The following HAUS3 variants were observed in gnomAD, a reference collection of about 807,000 sequenced individuals.
HAUS3 encodes HAUS augmin-like complex subunit 3.
Under a neutral mutation model 55.2 loss-of-function variants are expected in HAUS3, and 36 were observed. The ratio of observed to expected loss-of-function variants is 0.65; its 90% CI spans 0.50 to 0.86. HAUS3 has a LOEUF of 0.86. HAUS3 is among the 40% of genes least tolerant of loss of function. The probability of loss-of-function intolerance (pLI) is 0.00; values close to 1 mark genes in which losing one functional copy is unlikely to be tolerated. For missense variants in HAUS3, 752 were observed against 671.5 expected, an observed-to-expected ratio of 1.12 and a Z score of -1.33; for synonymous variants, 234 against 238.6, an observed-to-expected ratio of 0.98 and a Z score of 0.18.
At chr4:2,233,678 GC>G (rs1391391578) in intron 5 of HAUS3, among the ~76,000 whole-genome samples, 5 of 152,066 alleles carry the variant, frequency 3.3e-5, no homozygotes, top group Non-Finnish European at 4.4e-5. Flanking sequence ...TTTAACATAT[GC>G]CCAAGAGTGG....
At chr4:2,233,429 T>C (rs1210262325) in intron 5 of HAUS3, among the ~76,000 whole-genome samples, 1 of 139,890 alleles carries the variant, frequency 7.1e-6, no homozygotes, top group Non-Finnish European at 1.5e-5. Context: ...TTAGTGATTC[T>C]TGGATGCATT....
chr4:2,238,676 A>G lies in HAUS3; in HGVS notation c.1277T>C (p.Leu426Ser). The change falls in exon 4 of 6, where the codon TTA becomes TCA. Residue 426 changes from leucine (L) to serine (S), a missense_variant. Transcript: ENST00000443786. ...CTGTTGAGAAACTGATGGATCTGTT[A>G]ACATTTCTAATTGCTTGTAGAGCAT... is the stretch of plus-strand genomic sequence containing the variant. The part of the protein sequence containing the change: ...NMMLYKQLEM[L>S]TDPSVSQQIN... 6.2e-7 allele frequency: 1 copy of G among 1,613,404 alleles called. No individual in the cohort carries two copies. Among genetic ancestry groups the G allele is most frequent in the Non-Finnish European group, 8.5e-7 (1 of 1,179,460 alleles).
Position 2,231,924 on chromosome 4 carries a change from T to C in HAUS3, c.*3A>G, listed in dbSNP as rs767894998. ...GTAATAAAGATTCAGTTTTCAGTAA[T>C]TTTCAATCTTCAAGACTAACAGCCT... On this transcript the variant is annotated 3_prime_UTR_variant, in exon 6 of 6. Transcript: ENST00000443786. 1 of 1,202,344 alleles carries C rather than the reference T, an allele frequency of 8.3e-7. No homozygotes were observed. Among genetic ancestry groups the C allele is most frequent in the African/African-American group, 1.6e-5 (1 of 64,428 alleles). 74.5% of individuals were successfully genotyped at this position (1,202,344 alleles called of 1,614,324 possible).
Position 2,240,041 on chromosome 4 carries a change from G to A in HAUS3, c.906C>T (p.Ser302=). 1.2e-6 allele frequency: 2 copies of A among 1,609,356 alleles called. No individual in the cohort carries two copies. The highest frequency in any genetic ancestry group is 1.7e-6 in the Non-Finnish European group (2 of 1,177,322). ...WAEESLHSLT[S]KAVDKENLDA... ...CAATCTCATTTCTTATGCTTACCTT[G>A]CTGGTTAGGCTGTGAAGACTCTCCT... The change falls in exon 3 of 6, where the codon AGC becomes AGT. Residue 302 remains serine, a synonymous_variant. Coordinates refer to ENST00000443786, the MANE Select transcript of HAUS3 (RefSeq NM_001303143.2).
chr4:2,235,739 G>C (rs1471349225), intron 5 of HAUS3, among the ~76,000 whole-genome samples: 1 of 151,944 alleles, frequency 6.6e-6, no homozygotes, highest in Non-Finnish European at 1.5e-5. Context: ...TAAATACACA[G>C]TCTAGGAATA....
Position 2,240,184 on chromosome 4 carries a change from G to A in HAUS3, c.763C>T (p.Leu255Phe). ...TPSICDNQEI[L>F]EERRLEMARL... ...GCCATCTCTAGTCGTCTCTCCTCAA[G>A]GATTTCTTGATTATCACAAATAGAT... The change falls in exon 3 of 6, where the codon CTT becomes TTT. Residue 255 changes from leucine to phenylalanine, a missense_variant. Leu to Phe is a conservative substitution (Grantham distance 22). Coordinates refer to ENST00000443786, the MANE Select transcript of HAUS3 (RefSeq NM_001303143.2). 1 of 1,613,986 alleles carries A rather than the reference G, an allele frequency of 6.2e-7. No individual in the cohort carries two copies. Among genetic ancestry groups the A allele is most frequent in the Non-Finnish European group, 8.5e-7 (1 of 1,179,964 alleles).
chr4:2,230,752 A>T lies in HAUS3; in HGVS notation c.*1175T>A, dbSNP rs138874621. ...TACGAACAGGTGAGGAATATTCTTA[A>T]AGGTATTCCTACAAAGCTCACATGG... On this transcript the variant is annotated 3_prime_UTR_variant, in exon 6 of 6. Transcript: ENST00000443786. The T allele has an allele frequency of 2.1e-3, 313 of 152,198 alleles. 1 individual carries two copies. Among genetic ancestry groups the T allele is most frequent in the African/African-American group, 7.2e-3 (298 of 41,520 alleles). The allele number at this position is 152,198 out of a possible 1,614,324, so 9.4% of individuals were successfully genotyped here. A position where few individuals can be genotyped will look rare whatever the true frequency, so the allele number is the denominator to read the frequency against.
At position 2,228,561 on chromosome 4, in the gene HAUS3, T is replaced by C; in HGVS notation, c.*3366A>G. On this transcript the variant is annotated 3_prime_UTR_variant, in exon 6 of 6. Transcript: ENST00000443786. ...ACCGTGTTAGCCAGGATGGTCTCGA[T>C]CTCCTGACCTCATGATCGCCGACCT... The C allele has an allele frequency of 5.8e-6, 1 of 170,984 alleles. No homozygotes were observed. Among genetic ancestry groups the C allele is most frequent in the Non-Finnish European group, 1.3e-5 (1 of 78,532 alleles). 10.6% of individuals were successfully genotyped at this position (170,984 alleles called of 1,614,324 possible). A position where few individuals can be genotyped will look rare whatever the true frequency, so the allele number is the denominator to read the frequency against.
intron 5 of HAUS3, among the ~76,000 whole-genome samples, chr4:2,233,615 A>T (rs1362829061): frequency 6.6e-6 from 1 of 152,206 alleles, no homozygotes; most frequent in East Asian, 1.9e-4. Context: ...TGAACATTGA[A>T]ATGTGATGCT....
intron 5 of HAUS3, among the ~76,000 whole-genome samples, chr4:2,233,680 C>T (rs1734659839): frequency 6.6e-6 from 1 of 151,914 alleles, no homozygotes; most frequent in Non-Finnish European, 1.5e-5. Flanking sequence ...TAACATATGC[C>T]CAAGAGTGGT....
chr4:2,236,551 G>A (rs1048005435), intron 4 of HAUS3, 95 bp from the exon 5 acceptor site: 1 of 806,598 alleles, frequency 1.2e-6, no homozygotes, highest in Non-Finnish European at 2.0e-6. Context: ...TGTGGGGATA[G>A]CTAAGTAACA....
Position 2,241,707 on chromosome 4 carries a change from G to T in HAUS3, c.-335C>A. On this transcript the variant is annotated 5_prime_UTR_variant, in exon 2 of 6. Coordinates refer to ENST00000443786, the MANE Select transcript of HAUS3 (RefSeq NM_001303143.2). ...AGGCAGCGGCAAGCCCCAGGGATCC[G>T]CGGCCCCAAGGCCGCGATACACCAG... 1 of 985,490 alleles carries T rather than the reference G, an allele frequency of 1.0e-6. No individual in the cohort carries two copies. The highest frequency in any genetic ancestry group is 1.2e-6 in the Non-Finnish European group (1 of 829,960). 61.0% of individuals were successfully genotyped at this position (985,490 alleles called of 1,614,324 possible). A position where few individuals can be genotyped will look rare whatever the true frequency, so the allele number is the denominator to read the frequency against.
At position 2,241,643 on chromosome 4, in the gene HAUS3, G is replaced by A. The variant is rs7671997; in HGVS notation, c.-271C>T. 1 of 985,436 alleles carries A rather than the reference G, an allele frequency of 1.0e-6. No individual in the cohort carries two copies. Among genetic ancestry groups the A allele is most frequent in the Non-Finnish European group, 1.2e-6 (1 of 829,936 alleles). The allele number at this position is 985,436 out of a possible 1,614,324, so 61.0% of individuals were successfully genotyped here. A position where few individuals can be genotyped will look rare whatever the true frequency, so the allele number is the denominator to read the frequency against. On this transcript the variant is annotated 5_prime_UTR_variant, in exon 2 of 6. Transcript: ENST00000443786. ...TGCTTCGGGCCGGCCTTCAGCCAGC[G>A]CTGAGGCAGCCCCGACGCCAGGGCC...
Position 2,240,405 on chromosome 4 carries a change from C to G in HAUS3, c.542G>C (p.Arg181Thr), listed in dbSNP as rs374772532. 1.1e-5 allele frequency: 17 copies of G among 1,612,672 alleles called. No individual in the cohort carries two copies. Among genetic ancestry groups the G allele is most frequent in the Non-Finnish European group, 1.4e-5 (17 of 1,179,278 alleles). ...TGTCCCTTGACCTAAATTAGAATGT[C>G]TGAAGAACATCATCAATTGTGTAAC... is the stretch of plus-strand genomic sequence containing the variant. ...DEVTQLMMFFRHSNLGQGTNP... is the reference protein window; with the variant it reads ...DEVTQLMMFFTHSNLGQGTNP... Residue 181 changes from arginine to threonine, a missense_variant, in exon 3 of 6, where the codon AGA (arginine) becomes ACA (threonine). Coordinates refer to ENST00000443786, the MANE Select transcript of HAUS3 (RefSeq NM_001303143.2).
intron 1 of HAUS3, 67 bp from the exon 2 acceptor site, chr4:2,241,857 C>CA: frequency 1.0e-6 from 1 of 985,562 alleles, no homozygotes; most frequent in Non-Finnish European, 1.2e-6. Flanking sequence ...ACGGGGGTGA[C>CA]AGGCCCCGCA....
In HAUS3 at chr4:2,236,452, A is replaced by G. The variant is rs1409341140; in HGVS notation, c.1354T>C (p.Tyr452His). The G allele has an allele frequency of 6.3e-7, 1 of 1,598,694 alleles. No individual in the cohort carries two copies. Residue 452 changes from tyrosine (Y) to histidine (H), a missense_variant, in exon 5 of 6, where the codon TAC becomes CAC. Physicochemically the swap from Tyr to His is moderately conservative, Grantham distance 83. Transcript: ENST00000443786. ...DTKDYSTHRL[Y>H]QVLEGENKKK... ...TTATTCTCTCCCTCCAAAACTTGGTAAAGCCTGAAATGTAAAAATTAAAAT... is the reference window on the plus strand; with the variant it reads ...TTATTCTCTCCCTCCAAAACTTGGTGAAGCCTGAAATGTAAAAATTAAAAT...
In HAUS3 at chr4:2,230,407, T is replaced by C. The variant is rs1734538686; in HGVS notation, c.*1520A>G. 6.6e-6 allele frequency: 1 copy of C among 152,070 alleles called. No homozygotes were observed. The highest frequency in any genetic ancestry group is 6.6e-5 in the Admixed American group (1 of 15,262). 9.4% of individuals were successfully genotyped at this position (152,070 alleles called of 1,614,324 possible). ...ACCAGGTGACATATTTTCCACATTT[T>C]TGGAGAAAATAAAAATTTTAAGTAA... On this transcript the variant is annotated 3_prime_UTR_variant, in exon 6 of 6. Transcript: ENST00000443786.
In HAUS3 at chr4:2,236,353, C is replaced by T. The variant is rs755949745; in HGVS notation, c.1453G>A (p.Val485Ile). ...GCAGATACTGCCAACTGATCTTGTA[C>T]TAAAGAAATATTCTGTTTCAATTTC... is the stretch of plus-strand genomic sequence containing the variant. The part of the protein sequence containing the change: ...AEKLKQNISL[V>I]QDQLAVSAQE... Residue 485 changes from valine (V) to isoleucine (I), a missense_variant, in exon 5 of 6, where the codon GTA becomes ATA. Transcript: ENST00000443786. 2.5e-6 allele frequency: 4 copies of T among 1,613,054 alleles called. No homozygotes were observed. The highest frequency in any genetic ancestry group is 8.5e-7 in the Non-Finnish European group (1 of 1,179,128).
rs182807144 is a variant in HAUS3, at chr4:2,236,630, G to A, written c.1350-174C>T. On this transcript the variant is annotated intron_variant, in intron 4 of 5. Transcript: ENST00000443786. ...TCCTAGCACTTTGGGAGGCCAAGGC[G>A]GGCAGATTGCCTGAGCTCAGGAGTT... 2.5e-3 allele frequency among the ~76,000 whole-genome samples: 374 copies of A among 152,032 alleles called. 1 individual carries two copies. Among genetic ancestry groups the A allele is most frequent in the South Asian group, 4.8e-3 (23 of 4,814 alleles).
Sources: allele counts gnomAD v4.1 joint callset (sites outside exome capture counted in the v4.1 genomes callset), GRCh38; gene constraint gnomAD v4.1.1; transcripts MANE v1.5; gene names NCBI Gene and HGNC (gene_info 2026-07-23, HGNC 2026-07-21).